Variants in CHRM3 observed in about 807,000 individuals in gnomAD.
CHRM3 encodes the protein muscarinic acetylcholine receptor M3.
A neutral mutation model predicts 41.8 loss-of-function variants in CHRM3; 11 were observed. The ratio of observed to expected loss-of-function variants is 0.26; its 90% confidence interval spans 0.17 to 0.44. The LOEUF (loss-of-function observed/expected upper bound fraction) is 0.44, where lower values mean the gene tolerates loss of function less well. Ranked by LOEUF, CHRM3 falls within the 20% of genes least tolerant of loss-of-function variation. CHRM3 has a pLI of 1.00. For missense variants in CHRM3, 571 were observed against 745.4 expected, an observed-to-expected ratio of 0.77 and a Z score of 2.72; for synonymous variants, 297 against 301.4, an observed-to-expected ratio of 0.99 and a Z score of 0.15.
chr1:239,662,305 A>G (rs142641022), intron 4 of CHRM3, among the ~76,000 whole-genome samples: 305 of 152,282 alleles, frequency 2.0e-3, no homozygotes, highest in African/African-American at 6.8e-3. Context: ...CCTAGTAGGT[A>G]TGAAGTGTGA....
intron 5 of CHRM3, among the ~76,000 whole-genome samples, chr1:239,818,214 A>C (rs1671750252): frequency 2.6e-5 from 4 of 152,028 alleles, no homozygotes; most frequent in Admixed American, 2.0e-4. Context: ...TACCCACAAA[A>C]AGAGAACTCT....
At chr1:239,755,410 G>A (rs200120952) in intron 5 of CHRM3, among the ~76,000 whole-genome samples, 6 of 152,064 alleles carry the variant, frequency 3.9e-5, no homozygotes, top group African/African-American at 1.2e-4. Flanking sequence ...TTTTTATGCC[G>A]ATAATGGAAA....
At chr1:239,421,045 A>C (rs1405715512) in intron 1 of CHRM3, among the ~76,000 whole-genome samples, 1 of 152,190 alleles carries the variant, frequency 6.6e-6, no homozygotes, top group African/African-American at 2.4e-5. Context: ...TTTACTAAGT[A>C]CACGTATTAT....
chr1:239,396,060 G>A (rs1659449879), intron 1 of CHRM3, among the ~76,000 whole-genome samples: 1 of 152,120 alleles, frequency 6.6e-6, no homozygotes, highest in Admixed American at 6.5e-5. Flanking sequence ...TTCTCTTGCT[G>A]CATAGGATGC....
intron 5 of CHRM3, among the ~76,000 whole-genome samples, chr1:239,766,226 T>G (rs1013622576): frequency 6.6e-6 from 1 of 152,070 alleles, no homozygotes; most frequent in African/African-American, 2.4e-5. Context: ...AAATGTAGGA[T>G]TACCATACAT....
rs538567689 is a variant in CHRM3 at position 239,444,745 on chromosome 1, C to T, written c.-520-47964C>T. On this transcript the variant is annotated intron_variant, in intron 1 of 6. Coordinates refer to ENST00000676153, the MANE Select transcript of CHRM3 (RefSeq NM_001375978.1). ...AACTAACAAACAGATACAAAATATA[C>T]GAGATGAAGACAAAAAAATTAAAAA... 1.1e-4 allele frequency among the ~76,000 whole-genome samples: 16 copies of T among 151,988 alleles called. No individual in the cohort carries two copies. In the South Asian group the frequency reaches 2.7e-3, roughly 26 times the overall value.
At chr1:239,801,317 T>C (rs1670196242) in intron 5 of CHRM3, among the ~76,000 whole-genome samples, 1 of 152,186 alleles carries the variant, frequency 6.6e-6, no homozygotes, top group Admixed American at 6.5e-5. Flanking sequence ...ATTTAGGGCT[T>C]CCTGAAGTAG....
intron 3 of CHRM3, among the ~76,000 whole-genome samples, chr1:239,580,023 T>A (rs1662721417): frequency 6.6e-6 from 1 of 152,118 alleles, no homozygotes; most frequent in Admixed American, 6.6e-5. Flanking sequence ...CCAGACTGCC[T>A]CTTCCTTAGC....
At chr1:239,446,465 T>C (rs1396223803) in intron 1 of CHRM3, among the ~76,000 whole-genome samples, 7 of 152,210 alleles carry the variant, frequency 4.6e-5, no homozygotes, top group Non-Finnish European at 1.5e-5. Context: ...TAGTGATCAA[T>C]GTATGTGATC....
At position 239,607,984 on chromosome 1, in the gene CHRM3, G is replaced by A. The variant is rs566443840; in HGVS notation, c.-312-24240G>A. On this transcript the variant is annotated intron_variant, in intron 3 of 6. Transcript: ENST00000676153. ...ACTGGGCAACTACTCATTGCCTCAG[G>A]AGTTTATGTATTTTAAAAGGAAGGC... Among the ~76,000 whole-genome samples the A allele has an allele frequency of 5.1e-4, 77 of 152,214 alleles. 1 individual carries two copies. Among genetic ancestry groups the A allele is most frequent in the Middle Eastern group, 6.8e-3 (2 of 294 alleles).
intron 1 of CHRM3, among the ~76,000 whole-genome samples, chr1:239,391,460 T>C (rs1007175309): frequency 2.0e-5 from 3 of 152,184 alleles, no homozygotes; most frequent in African/African-American, 7.2e-5. Context: ...TTGTTTTCTA[T>C]CCAGAAGTTT....
intron 5 of CHRM3, chr1:239,703,818 T>C (rs1427551083): frequency 6.6e-6 from 1 of 152,118 alleles, no homozygotes. Flanking sequence ...TCCTGAGGAA[T>C]AAAATATAAT....
chr1:239,647,281 G>A (rs752882395), intron 4 of CHRM3, among the ~76,000 whole-genome samples: 16 of 152,134 alleles, frequency 1.1e-4, no homozygotes, highest in South Asian at 2.1e-4. Context: ...TTGCCAGAAT[G>A]AGTAAAGACC....
At chr1:239,902,773 C>T (rs185523713) in intron 6 of CHRM3, among the ~76,000 whole-genome samples, 43 of 152,292 alleles carry the variant, frequency 2.8e-4, no homozygotes, top group African/African-American at 3.8e-4. Flanking sequence ...ACTATTAACT[C>T]GTTAACTTAT....
chr1:239,859,848 T>TATATATATATATAC (rs1447232877), intron 6 of CHRM3, among the ~76,000 whole-genome samples: 2 of 133,420 alleles, frequency 1.5e-5, no homozygotes, highest in African/African-American at 2.6e-5. Context: ...TATATATATA[T>TATATATATATATAC]ATAGTCATTT....
At chr1:239,692,029 G>A (rs73109191) in intron 5 of CHRM3, among the ~76,000 whole-genome samples, 6,080 of 152,228 alleles carry the variant, frequency 0.04, 395 homozygotes, top group African/African-American at 0.14. Flanking sequence ...CAGTTTCCTC[G>A]AGACTCCTTT....
chr1:239,904,040 C>T (rs577069463), intron 6 of CHRM3, among the ~76,000 whole-genome samples: 53 of 152,074 alleles, frequency 3.5e-4, no homozygotes, highest in Non-Finnish European at 5.3e-4. Flanking sequence ...AATATAGCAT[C>T]GGGATGATTG....
At chr1:239,500,757 C>T (rs944122832) in intron 2 of CHRM3, among the ~76,000 whole-genome samples, 1 of 151,536 alleles carries the variant, frequency 6.6e-6, no homozygotes, top group Non-Finnish European at 1.5e-5. Flanking sequence ...AAAAGCATGA[C>T]GAATGCAACA....
intron 3 of CHRM3, among the ~76,000 whole-genome samples, chr1:239,618,781 T>G (rs1286992059): frequency 1.4e-5 from 2 of 143,878 alleles, no homozygotes; most frequent in East Asian, 2.2e-4. Flanking sequence ...GAGGCGGAGC[T>G]TGCAGTGAGC....
Sources: gnomAD v4.1 joint callset for allele counts (sites outside exome capture counted in the v4.1 genomes callset) on GRCh38, gnomAD v4.1.1 for gene constraint, MANE v1.5 for transcripts, NCBI Gene and HGNC (gene_info 2026-07-23, HGNC 2026-07-21) for gene names.